The following ANKRD33B variants were observed in gnomAD, a reference collection of about 807,000 sequenced individuals.
ANKRD33B encodes the protein ankyrin repeat domain-containing protein 33B.
A neutral mutation model predicts 21.5 loss-of-function variants in ANKRD33B; 6 were observed. The ratio of observed to expected loss-of-function variants is 0.28; its 90% CI spans 0.15 to 0.55. The LOEUF is 0.55. Among genes scored for constraint, ANKRD33B ranks in the 20% least tolerant of loss-of-function variants. The pLI is 0.94. For missense variants in ANKRD33B, 698 were observed against 747.2 expected, an observed-to-expected ratio of 0.93 and a Z score of 0.77; for synonymous variants, 347 against 342.4, an observed-to-expected ratio of 1.01 and a Z score of -0.15.
chr5:10,647,706 A>T (rs971281376), intron 3 of ANKRD33B, among the ~76,000 whole-genome samples: 1 of 152,176 alleles, frequency 6.6e-6, no homozygotes, highest in Non-Finnish European at 1.5e-5. Context: ...TGAGTCTGAA[A>T]CTGGTGCGGT....
At chr5:10,614,694 C>G (rs912924706) in intron 1 of ANKRD33B, among the ~76,000 whole-genome samples, 2 of 152,214 alleles carry the variant, frequency 1.3e-5, no homozygotes, top group African/African-American at 4.8e-5. Context: ...TGAGACCAGC[C>G]TGGCCAACAT....
At chr5:10,590,694 C>T (rs538407741) in intron 1 of ANKRD33B, among the ~76,000 whole-genome samples, 4 of 152,216 alleles carry the variant, frequency 2.6e-5, no homozygotes, top group African/African-American at 9.6e-5. Context: ...CCATTGAGGT[C>T]CAGGGAAGCC....
chr5:10,641,464 C>T (rs935395071), intron 3 of ANKRD33B, among the ~76,000 whole-genome samples: 11 of 151,772 alleles, frequency 7.2e-5, no homozygotes, highest in African/African-American at 2.2e-4. Context: ...CCTGACATCC[C>T]GTGATCTGCC....
intron 1 of ANKRD33B, among the ~76,000 whole-genome samples, chr5:10,614,736 A>T (rs756379684): frequency 1.2e-4 from 19 of 152,066 alleles, no homozygotes; most frequent in Non-Finnish European, 2.6e-4. Flanking sequence ...AAAATACAAA[A>T]ATTAGCCGGG....
intron 1 of ANKRD33B, among the ~76,000 whole-genome samples, chr5:10,569,685 G>A (rs1735133658): frequency 6.6e-6 from 1 of 152,190 alleles, no homozygotes; most frequent in East Asian, 1.9e-4. Context: ...GAGAAAGCGG[G>A]TGAGGAGGGC....
At chr5:10,579,377 T>A (rs1735393749) in intron 1 of ANKRD33B, among the ~76,000 whole-genome samples, 1 of 151,544 alleles carries the variant, frequency 6.6e-6, no homozygotes, top group Admixed American at 6.6e-5. Flanking sequence ...GGAAAAACCA[T>A]TTGGAAAAGA....
At chr5:10,618,166 C>T (rs1174112517) in intron 1 of ANKRD33B, among the ~76,000 whole-genome samples, 167 bp from the exon 2 acceptor site, 5 of 152,190 alleles carry the variant, frequency 3.3e-5, no homozygotes, top group South Asian at 4.1e-4. Flanking sequence ...TGAGAAGGAT[C>T]GAGCGGCTGG....
At chr5:10,622,295 C>T (rs76435356) in intron 2 of ANKRD33B, among the ~76,000 whole-genome samples, 9,469 of 152,280 alleles carry the variant, frequency 0.062, 364 homozygotes, top group Middle Eastern at 0.18. Flanking sequence ...AAAAGAGACC[C>T]AGTCACCTCA....
At chr5:10,581,220 C>T (rs1164118418) in intron 1 of ANKRD33B, among the ~76,000 whole-genome samples, 4 of 152,254 alleles carry the variant, frequency 2.6e-5, no homozygotes, top group Non-Finnish European at 5.9e-5. Flanking sequence ...AGGGCTGCCT[C>T]CTCCTCCCCC....
chr5:10,565,771 C>G (rs2126540163), intron 1 of ANKRD33B, among the ~76,000 whole-genome samples: 1 of 152,388 alleles, frequency 6.6e-6, no homozygotes, highest in Non-Finnish European at 1.5e-5. Context: ...TCCCCGTAGT[C>G]TGTGCTCAGT....
chr5:10,617,909 G>T (rs1736322492), intron 1 of ANKRD33B, among the ~76,000 whole-genome samples: 1 of 152,036 alleles, frequency 6.6e-6, no homozygotes, highest in Non-Finnish European at 1.5e-5. Flanking sequence ...TTCACACACG[G>T]ACCCCAACAT....
At chr5:10,627,344 G>A (rs1736576322) in intron 2 of ANKRD33B, 2 of 152,252 alleles carry the variant, frequency 1.3e-5, no homozygotes, top group African/African-American at 4.8e-5. Context: ...AACGCCAGGG[G>A]TCTCTTTGAG....
At position 10,564,511 on chromosome 5, in the gene ANKRD33B, G is replaced by C. The variant is rs955295239; in HGVS notation, c.44G>C (p.Arg15Pro). Residue 15 changes from arginine to proline, a missense_variant, in exon 1 of 4, where the codon CGC (arginine) becomes CCC (proline). This residue lies in a region of ANKRD33B where 148 missense variants were observed against 154.9 expected (regional missense o/e 0.96). Transcript: ENST00000296657. Reference protein sequence around the residue: ...AGTGPEGGGARCMTPPPPSPP... With the variant: ...AGTGPEGGGAPCMTPPPPSPP... ...ACCGGGCCGGAGGGCGGCGGGGCGC[G>C]CTGCATGACCCCACCACCGCCGTCC... 1 of 1,523,386 alleles carries C rather than the reference G, an allele frequency of 6.6e-7. No individual in the cohort carries two copies. Among genetic ancestry groups the C allele is most frequent in the Non-Finnish European group, 8.8e-7 (1 of 1,140,072 alleles). 94.4% of individuals were successfully genotyped at this position (1,523,386 alleles called of 1,614,324 possible).
chr5:10,619,724 C>T lies in ANKRD33B; in HGVS notation c.496+1262C>T, dbSNP rs1736373244. 1.3e-5 allele frequency among the ~76,000 whole-genome samples: 2 copies of T among 152,152 alleles called. No homozygotes were observed. Among genetic ancestry groups the T allele is most frequent in the African/African-American group, 4.8e-5 (2 of 41,428 alleles). ...AAAACCTAGCAAGAGTGTGAAAGGG[C>T]TTTGTAAGGCATTCAGTGATTCGTT... On this transcript the variant is annotated intron_variant, in intron 2 of 3. Coordinates refer to ENST00000296657, the MANE Select transcript of ANKRD33B (RefSeq NM_001164440.2). This position sits in a 1 kb window ranked among gnomAD's most constrained non-coding sequence, Gnocchi z 4.5.
chr5:10,566,212 C>T (rs962012127), intron 1 of ANKRD33B, among the ~76,000 whole-genome samples: 1 of 152,156 alleles, frequency 6.6e-6, no homozygotes, highest in African/African-American at 2.4e-5. Context: ...AGGTGGCGTC[C>T]CCGTAGGTAG....
At chr5:10,627,393 A>G (rs994773627) in intron 2 of ANKRD33B, 1 of 152,242 alleles carries the variant, frequency 6.6e-6, no homozygotes, top group African/African-American at 2.4e-5. Context: ...TGTTTTGGGT[A>G]TAAGGAACCT....
chr5:10,646,710 C>A (rs1579760190), intron 3 of ANKRD33B, among the ~76,000 whole-genome samples: 1 of 152,124 alleles, frequency 6.6e-6, no homozygotes, highest in African/African-American at 2.4e-5. Context: ...TTTTACTGCC[C>A]CCTTTTCATT....
At chr5:10,593,751 C>T (rs1364556320) in intron 1 of ANKRD33B, among the ~76,000 whole-genome samples, 1 of 152,126 alleles carries the variant, frequency 6.6e-6, no homozygotes, top group Non-Finnish European at 1.5e-5. Flanking sequence ...GGCTCAACTT[C>T]CCTGACCCTG....
At chr5:10,618,580 A>C in intron 2 of ANKRD33B, 118 bp downstream of exon 2, 1 of 1,367,834 alleles carries the variant, frequency 7.3e-7, no homozygotes, top group Non-Finnish European at 9.6e-7. Context: ...ATGTCCTGCT[A>C]CCAAGGGGTG....
Sources: gnomAD v4.1 joint callset for allele counts (sites outside exome capture counted in the v4.1 genomes callset) on GRCh38, gnomAD v4.1.1 for gene constraint, gnomAD v4.1.1 regional missense constraint, Gnocchi (gnomAD v3.1) non-coding constraint, MANE v1.5 for transcripts, NCBI Gene and HGNC (gene_info 2026-07-23, HGNC 2026-07-21) for gene names.